The following VTI1A variants were observed in gnomAD, a reference collection of about 807,000 sequenced individuals.
VTI1A encodes the protein vesicle transport through interaction with t-SNAREs homolog 1A.
VTI1A carries 22 observed loss-of-function variants against 34.9 expected under a neutral mutation model. The ratio of observed to expected loss-of-function variants is 0.63; its 90% confidence interval spans 0.45 to 0.90. The LOEUF (loss-of-function observed/expected upper bound fraction) is 0.90, where lower values mean the gene tolerates loss of function less well. Among genes scored for constraint, VTI1A ranks in the 40% least tolerant of loss-of-function variants. The pLI is 0.00. For missense variants in VTI1A, 268 were observed against 275.6 expected (o/e 0.97, Z 0.20); for synonymous variants, 87 against 97.3 (o/e 0.89, Z 0.62).
intron 7 of VTI1A, among the ~76,000 whole-genome samples, chr10:112,697,264 G>A (rs1438444291): frequency 4.0e-5 from 6 of 151,538 alleles, no homozygotes; most frequent in Non-Finnish European, 7.4e-5. Flanking sequence ...CGCTGTCTCG[G>A]CACTCTGCAA....
intron 5 of VTI1A, among the ~76,000 whole-genome samples, chr10:112,652,907 G>C (rs1847092121): frequency 6.6e-6 from 1 of 152,086 alleles, no homozygotes; most frequent in Admixed American, 6.6e-5. Flanking sequence ...CAGGTTCTTG[G>C]CATCTTGAAC....
intron 4 of VTI1A, among the ~76,000 whole-genome samples, chr10:112,532,655 A>G (rs1268708306): frequency 6.6e-6 from 1 of 152,206 alleles, no homozygotes. Context: ...AAATAAGAGA[A>G]TTAAAATGTT....
the VTI1A span, among the ~76,000 whole-genome samples, chr10:112,842,080 T>TTG: frequency 4.5e-5 from 6 of 133,778 alleles, 1 homozygote; most frequent in Admixed American, 1.5e-4. Context: ...TTTTTTTTTT[T>TTG]GAGACGGAGT....
chr10:112,761,633 C>T (rs1851467078), intron 7 of VTI1A, among the ~76,000 whole-genome samples: 1 of 152,028 alleles, frequency 6.6e-6, no homozygotes, highest in Admixed American at 6.6e-5. Context: ...AGTTAAAATC[C>T]AGTTTTAATC....
intron 7 of VTI1A, among the ~76,000 whole-genome samples, chr10:112,785,138 A>G (rs1852246717): frequency 6.6e-6 from 1 of 152,208 alleles, no homozygotes; most frequent in African/African-American, 2.4e-5. Flanking sequence ...GTTTTCCCAC[A>G]CATGCCAGTG....
chr10:112,817,580 C>T lies in VTI1A; in HGVS notation c.*2197C>T. The T allele has an allele frequency of 4.4e-6, 1 of 229,420 alleles. No individual in the cohort carries two copies. Among genetic ancestry groups the T allele is most frequent in the Non-Finnish European group, 8.6e-6 (1 of 115,668 alleles). The allele number at this position is 229,420 out of a possible 1,614,324, so 14.2% of individuals were successfully genotyped here. On this transcript the variant is annotated 3_prime_UTR_variant, in exon 8 of 8. Transcript: ENST00000393077. ...CCTCCTTGAGAGCAACTACCTAGGC[C>T]AGGCTAGTGAGTGCTTTGTGAGGAA...
chr10:112,520,663 A>G lies in VTI1A; in HGVS notation c.265-6424A>G, dbSNP rs973327858. Among the ~76,000 whole-genome samples, 4 of 149,028 alleles carry G rather than the reference A, an allele frequency of 2.7e-5. No homozygotes were observed. In the Admixed American group the frequency reaches 2.7e-4, roughly 10 times the overall value. On this transcript the variant is annotated intron_variant, in intron 3 of 7. Transcript: ENST00000393077. ...TGTGTGTGTGTATATATATATATAT[A>G]TATATATATAAAACCTCATGATATG...
At chr10:112,830,216 A>G in the VTI1A span, among the ~76,000 whole-genome samples, 3 of 152,066 alleles carry the variant, frequency 2.0e-5, no homozygotes, top group Non-Finnish European at 4.4e-5. Flanking sequence ...AAAGCCTCTG[A>G]CTTGGCATAG....
At chr10:112,703,457 C>A (rs892796613) in intron 7 of VTI1A, among the ~76,000 whole-genome samples, 7 of 152,056 alleles carry the variant, frequency 4.6e-5, no homozygotes, top group Non-Finnish European at 1.0e-4. Context: ...ATCCCAGCTA[C>A]TTGGGAGGCT....
chr10:112,712,474 T>TCTCACACA (rs149858856), intron 7 of VTI1A, among the ~76,000 whole-genome samples: 56 of 143,488 alleles, frequency 3.9e-4, no homozygotes, highest in African/African-American at 1.3e-3. Context: ...TCAACTATTA[T>TCTCACACA]CACACACACA....
chr10:112,660,884 T>G (rs1847421179), intron 5 of VTI1A, among the ~76,000 whole-genome samples: 1 of 152,246 alleles, frequency 6.6e-6, no homozygotes, highest in South Asian at 2.1e-4. Context: ...TTGTGCTAGT[T>G]TTCATACATT....
intron 7 of VTI1A, among the ~76,000 whole-genome samples, chr10:112,687,805 A>G (rs969296496): frequency 1.3e-5 from 2 of 152,104 alleles, no homozygotes; most frequent in Non-Finnish European, 2.9e-5. Context: ...CAGCATGACT[A>G]AAGCTGACAG....
intron 7 of VTI1A, among the ~76,000 whole-genome samples, chr10:112,743,622 T>A (rs1850777125): frequency 2.0e-5 from 3 of 152,090 alleles, no homozygotes; most frequent in Admixed American, 2.0e-4. Flanking sequence ...TGCCCAACCC[T>A]CTCTGCCTTT....
intron 1 of VTI1A, among the ~76,000 whole-genome samples, chr10:112,453,295 G>A (rs749836212): frequency 2.6e-5 from 4 of 152,122 alleles, no homozygotes; most frequent in Non-Finnish European, 5.9e-5. Flanking sequence ...ACGTGGCTGA[G>A]GTAGTGTTTG....
chr10:112,688,115 G>A (rs1009655844), intron 7 of VTI1A, among the ~76,000 whole-genome samples: 6 of 151,434 alleles, frequency 4.0e-5, no homozygotes, highest in Non-Finnish European at 7.4e-5. Flanking sequence ...CACCATGCCC[G>A]GCTAATTTTT....
chr10:112,852,153 T>C, the VTI1A span, among the ~76,000 whole-genome samples: 1 of 152,216 alleles, frequency 6.6e-6, no homozygotes, highest in African/African-American at 2.4e-5. Flanking sequence ...TTTAAGTTAA[T>C]ACTCTCATGG....
chr10:112,652,822 T>C (rs1040005589), intron 5 of VTI1A, among the ~76,000 whole-genome samples: 10 of 151,700 alleles, frequency 6.6e-5, no homozygotes, highest in Admixed American at 5.3e-4. Flanking sequence ...AGGCAGACCA[T>C]GATGTGTCTG....
chr10:112,494,782 G>A (rs975223496), intron 3 of VTI1A, among the ~76,000 whole-genome samples: 4 of 152,178 alleles, frequency 2.6e-5, no homozygotes, highest in Non-Finnish European at 4.4e-5. Flanking sequence ...CCAAGGTGCT[G>A]GGATTACAGG....
intron 3 of VTI1A, among the ~76,000 whole-genome samples, chr10:112,473,289 A>G (rs1297044703): frequency 6.6e-6 from 1 of 151,888 alleles, no homozygotes; most frequent in African/African-American, 2.4e-5. Flanking sequence ...TTGTATTTTT[A>G]GTAGAGACGG....
Sources: allele counts gnomAD v4.1 joint callset (sites outside exome capture counted in the v4.1 genomes callset), GRCh38; gene constraint gnomAD v4.1.1; transcripts MANE v1.5; gene names NCBI Gene and HGNC (gene_info 2026-07-23, HGNC 2026-07-21).